CTNNA3: variants seen among roughly 807,000 people sequenced by gnomAD.
CTNNA3 encodes the protein catenin alpha-3.
A neutral mutation model predicts 95.7 loss-of-function variants in CTNNA3; 76 were observed. The ratio of observed to expected loss-of-function variants is 0.79; its 90% CI spans 0.66 to 0.96. CTNNA3 has a LOEUF of 0.96. Among genes scored for constraint, CTNNA3 ranks in the 40% least tolerant of loss-of-function variants. The probability of loss-of-function intolerance (pLI) is 0.00; values close to 1 mark genes in which losing one functional copy is unlikely to be tolerated. For synonymous variants in CTNNA3, 431 were observed against 374.4 expected (o/e 1.15, Z -1.74); for missense variants, 1,191 against 1,089.8 (o/e 1.09, Z -1.31).
chr10:67,718,599 T>G (rs1371281001), intron 1 of CTNNA3, among the ~76,000 whole-genome samples: 1 of 152,206 alleles, frequency 6.6e-6, no homozygotes, highest in Non-Finnish European at 1.5e-5. Flanking sequence ...GTTTATGGGA[T>G]GGATTACATT....
chr10:66,659,070 A>G (rs1008648149), intron 9 of CTNNA3, among the ~76,000 whole-genome samples: 1 of 152,078 alleles, frequency 6.6e-6, no homozygotes, highest in Non-Finnish European at 1.5e-5. Flanking sequence ...TTAAATGCTT[A>G]TGATATACCT....
At chr10:66,666,876 C>T (rs1846471114) in intron 9 of CTNNA3, among the ~76,000 whole-genome samples, 1 of 151,774 alleles carries the variant, frequency 6.6e-6, no homozygotes, top group Non-Finnish European at 1.5e-5. Flanking sequence ...ATGTTATGTA[C>T]TTAAATATCT....
chr10:66,845,510 C>A (rs1218434288), intron 7 of CTNNA3, among the ~76,000 whole-genome samples: 1 of 151,250 alleles, frequency 6.6e-6, no homozygotes, highest in South Asian at 2.1e-4. Context: ...TCGAGACCAG[C>A]CTGACCAACA....
intron 15 of CTNNA3, among the ~76,000 whole-genome samples, chr10:66,038,280 G>T (rs929275410): frequency 2.6e-5 from 4 of 152,182 alleles, no homozygotes; most frequent in Non-Finnish European, 5.9e-5. Flanking sequence ...GATGGTGATG[G>T]CAACTTTCTC....
intron 15 of CTNNA3, among the ~76,000 whole-genome samples, chr10:66,068,184 T>G (rs1318360036): frequency 2.6e-5 from 4 of 152,064 alleles, no homozygotes; most frequent in Non-Finnish European, 4.4e-5. Context: ...TTTCAAATAT[T>G]TGTCTGCCAT....
At chr10:67,755,193 TAA>T (rs200024475) in intron 1 of CTNNA3, among the ~76,000 whole-genome samples, 8 of 137,048 alleles carry the variant, frequency 5.8e-5, no homozygotes, top group Admixed American at 7.3e-5. Context: ...ACCTTATCTT[TAA>T]AAAAAAAAAA....
intron 11 of CTNNA3, among the ~76,000 whole-genome samples, chr10:66,403,760 T>C (rs1564931027): frequency 6.6e-6 from 1 of 152,208 alleles, no homozygotes; most frequent in African/African-American, 2.4e-5. Context: ...TGCAAAATCA[T>C]GACAGTAAGA....
intron 10 of CTNNA3, among the ~76,000 whole-genome samples, chr10:66,543,254 G>A (rs1301199977): frequency 1.3e-5 from 2 of 151,882 alleles, no homozygotes; most frequent in Non-Finnish European, 2.9e-5. Context: ...CACTGAGCCC[G>A]GCTAATTTTT....
intron 1 of CTNNA3, among the ~76,000 whole-genome samples, chr10:67,725,977 T>A (rs1339796820): frequency 7.2e-6 from 1 of 138,178 alleles, no homozygotes; most frequent in African/African-American, 2.7e-5. Context: ...ATGTAATATA[T>A]ACTATATACT....
chr10:66,492,847 T>A (rs773178899), intron 11 of CTNNA3, among the ~76,000 whole-genome samples: 2 of 152,166 alleles, frequency 1.3e-5, no homozygotes, highest in Non-Finnish European at 2.9e-5. Context: ...AGTTTAAAGA[T>A]CATTCTCCTT....
At chr10:66,564,812 C>A (rs772256968) in intron 10 of CTNNA3, among the ~76,000 whole-genome samples, 1 of 152,030 alleles carries the variant, frequency 6.6e-6, no homozygotes, top group South Asian at 2.1e-4. Flanking sequence ...GCTAATTATT[C>A]GACGTTTACA....
chr10:66,547,147 A>G (rs1420548041), intron 10 of CTNNA3, among the ~76,000 whole-genome samples: 2 of 151,880 alleles, frequency 1.3e-5, no homozygotes, highest in African/African-American at 4.8e-5. Flanking sequence ...AGTGTGGTGA[A>G]TTATTAATTG....
intron 7 of CTNNA3, among the ~76,000 whole-genome samples, chr10:66,905,401 A>C (rs1437354215): frequency 6.6e-6 from 1 of 152,178 alleles, no homozygotes; most frequent in East Asian, 1.9e-4. Context: ...GGATAGCATT[A>C]GGCGAAATAC....
At chr10:67,517,940 T>A (rs551334676) in intron 5 of CTNNA3, among the ~76,000 whole-genome samples, 1 of 152,154 alleles carries the variant, frequency 6.6e-6, no homozygotes. Flanking sequence ...TTTAAGAAAA[T>A]GGCTTATGAG....
intron 5 of CTNNA3, among the ~76,000 whole-genome samples, chr10:67,356,297 C>T (rs1842803941): frequency 6.6e-6 from 1 of 152,084 alleles, no homozygotes; most frequent in South Asian, 2.1e-4. Flanking sequence ...CCAACTATCA[C>T]TGTCCTACTT....
intron 5 of CTNNA3, among the ~76,000 whole-genome samples, chr10:67,370,626 A>C (rs1447594978): frequency 6.6e-6 from 1 of 152,142 alleles, no homozygotes; most frequent in Admixed American, 6.5e-5. Context: ...GTTCCTTATA[A>C]CTAAACTCTG....
chr10:66,978,552 A>AATATATATATATATATATATATATAT (rs1554890349), intron 7 of CTNNA3, among the ~76,000 whole-genome samples: 4 of 37,876 alleles, frequency 1.1e-4, no homozygotes, highest in East Asian at 1.8e-3. Context: ...AAAAAAAAAA[A>AATATATATATATATATATATATATAT]ATATATATAT....
At chr10:66,142,434 A>C (rs546813252) in intron 13 of CTNNA3, among the ~76,000 whole-genome samples, 1 of 152,096 alleles carries the variant, frequency 6.6e-6, no homozygotes, top group Non-Finnish European at 1.5e-5. Context: ...CTTGAACTCA[A>C]TGTTGGTCCT....
At chr10:66,513,079 A>G (rs986714542) in intron 11 of CTNNA3, among the ~76,000 whole-genome samples, 2 of 152,150 alleles carry the variant, frequency 1.3e-5, no homozygotes, top group African/African-American at 4.8e-5. Flanking sequence ...CTATTGTTTC[A>G]TTAAATAAGT....
Sources: allele counts gnomAD v4.1 joint callset (sites outside exome capture counted in the v4.1 genomes callset), GRCh38; gene constraint gnomAD v4.1.1; transcripts MANE v1.5; gene names NCBI Gene and HGNC (gene_info 2026-07-23, HGNC 2026-07-21).